Variants in VPS26A observed in about 807,000 individuals in gnomAD.
The protein encoded by VPS26A is VPS26 retromer complex component A.
In VPS26A, 22 loss-of-function variants were observed where a neutral mutation model predicts 42.4. That is an observed-to-expected ratio of 0.52 (90% CI 0.37 to 0.74). The LOEUF (loss-of-function observed/expected upper bound fraction) is 0.74, where lower values mean the gene tolerates loss of function less well. Ranked by LOEUF, VPS26A falls within the 30% of genes least tolerant of loss-of-function variation. VPS26A has a pLI of 0.00. For missense variants in VPS26A, 276 were observed against 379.2 expected (o/e 0.73, Z 2.26); for synonymous variants, 110 against 123.5 (o/e 0.89, Z 0.73).
chr10:69,155,033 C>G (rs1236376338), intron 2 of VPS26A, among the ~76,000 whole-genome samples: 1 of 152,078 alleles, frequency 6.6e-6, no homozygotes, highest in African/African-American at 2.4e-5. Flanking sequence ...GCCTGTACTT[C>G]TAGCACTTTG....
intron 1 of VPS26A, among the ~76,000 whole-genome samples, chr10:69,131,114 T>C (rs1369406416): frequency 6.6e-6 from 1 of 152,034 alleles, no homozygotes; most frequent in African/African-American, 2.4e-5. Context: ...GCCTCCCGAG[T>C]AGCTGGGACT....
In VPS26A at chr10:69,136,268, T is replaced by TC. The variant is rs1431366687; in HGVS notation, c.153+3222dup. Among the ~76,000 whole-genome samples, 8 of 145,004 alleles carry TC rather than the reference T, an allele frequency of 5.5e-5. No individual in the cohort carries two copies. The East Asian group carries it at 1.6e-3, about 28-fold the overall frequency. On this transcript the variant is annotated intron_variant, in intron 2 of 8. Coordinates refer to ENST00000263559, the MANE Select transcript of VPS26A (RefSeq NM_004896.5). ...TTTCTCTGTCATTTTTCTTTTCTTT[T>TC]CTTTTTTTTTTTTTGAGACAGAGTC...
intron 7 of VPS26A, 47 bp downstream of exon 7, chr10:69,166,157 G>A (rs772504784): frequency 6.6e-7 from 1 of 1,520,946 alleles, no homozygotes; most frequent in Non-Finnish European, 9.0e-7. Flanking sequence ...AAACATCAGT[G>A]TTCATGGCAG....
At chr10:69,142,406 C>G (rs552946581) in intron 2 of VPS26A, among the ~76,000 whole-genome samples, 32 of 150,946 alleles carry the variant, frequency 2.1e-4, no homozygotes, top group African/African-American at 7.1e-4. Context: ...GTTGCCCAGT[C>G]TGGTCTCAAA....
intron 1 of VPS26A, among the ~76,000 whole-genome samples, chr10:69,130,781 C>T (rs1047395549): frequency 4.6e-5 from 7 of 152,158 alleles, no homozygotes; most frequent in African/African-American, 1.7e-4. Context: ...GTTATACGTA[C>T]GTTTTGTGTA....
At chr10:69,157,581 T>A (rs1013206984) in intron 4 of VPS26A, among the ~76,000 whole-genome samples, 1 of 152,176 alleles carries the variant, frequency 6.6e-6, no homozygotes, top group African/African-American at 2.4e-5. Flanking sequence ...TTCTAAACTC[T>A]CAATTCAGTG....
At chr10:69,150,176 C>T (rs1841269435) in intron 2 of VPS26A, among the ~76,000 whole-genome samples, 1 of 152,074 alleles carries the variant, frequency 6.6e-6, no homozygotes, top group South Asian at 2.1e-4. Flanking sequence ...ACCTCAGCCT[C>T]CCAATTTGCT....
At chr10:69,127,051 T>A (rs2041396596) in intron 1 of VPS26A, among the ~76,000 whole-genome samples, 1 of 150,158 alleles carries the variant, frequency 6.7e-6, no homozygotes, top group African/African-American at 2.4e-5. Flanking sequence ...TTCCGCCTCC[T>A]GAGTAGCTGG....
At chr10:69,162,918 CAG>C (rs1564686484) in intron 6 of VPS26A, among the ~76,000 whole-genome samples, 2 of 152,068 alleles carry the variant, frequency 1.3e-5, no homozygotes, top group Non-Finnish European at 2.9e-5. Flanking sequence ...GCTTGGACAA[CAG>C]AGTGAGACCA....
intron 2 of VPS26A, among the ~76,000 whole-genome samples, chr10:69,154,830 C>T (rs1841396144): frequency 6.6e-6 from 1 of 152,208 alleles, no homozygotes; most frequent in South Asian, 2.1e-4. Context: ...ATGCACTGTA[C>T]TCCAGCCTGG....
chr10:69,154,397 G>A (rs1182556274), intron 2 of VPS26A, among the ~76,000 whole-genome samples: 1 of 152,204 alleles, frequency 6.6e-6, no homozygotes, highest in East Asian at 1.9e-4. Flanking sequence ...TTAGCTGGGC[G>A]TGGTGGCACA....
At chr10:69,167,312 T>C (rs1841710714) in intron 7 of VPS26A, among the ~76,000 whole-genome samples, 1 of 151,486 alleles carries the variant, frequency 6.6e-6, no homozygotes, top group African/African-American at 2.4e-5. Context: ...GCACCTATGA[T>C]CCCAGCTACC....
At chr10:69,145,660 G>A (rs1841141895) in intron 2 of VPS26A, among the ~76,000 whole-genome samples, 1 of 151,756 alleles carries the variant, frequency 6.6e-6, no homozygotes, top group Non-Finnish European at 1.5e-5. Flanking sequence ...ATCAGAGGTT[G>A]TGTGAACCTG....
rs747866317 is a variant in VPS26A, at chr10:69,162,491, A to C, written c.637A>C (p.Lys213Gln). 2 of 1,555,076 alleles carry C rather than the reference A, an allele frequency of 1.3e-6. No individual in the cohort carries two copies. The highest frequency in any genetic ancestry group is 1.9e-5 in the Admixed American group (1 of 52,588). The change falls in exon 6 of 9, where the codon AAA becomes CAA. Residue 213 changes from lysine (K) to glutamine (Q), a missense_variant. Lys to Gln is a moderately conservative substitution (Grantham distance 53, BLOSUM62 1). Coordinates refer to ENST00000263559, the MANE Select transcript of VPS26A (RefSeq NM_004896.5). ...ACAACATATGGAGTTACAGCTGATC[A>C]AAAAAGAGATCACAGGAATTGGTAA... ...KIQHMELQLI[K>Q]KEITGIGPST...
At chr10:69,152,839 G>A (rs1388833151) in intron 2 of VPS26A, among the ~76,000 whole-genome samples, 1 of 151,742 alleles carries the variant, frequency 6.6e-6, no homozygotes, top group Non-Finnish European at 1.5e-5. Flanking sequence ...GCATGGTGGC[G>A]GGCGCCTGTA....
intron 2 of VPS26A, among the ~76,000 whole-genome samples, chr10:69,145,027 TTAAA>T (rs1190694538): frequency 1.3e-5 from 2 of 149,924 alleles, no homozygotes; most frequent in Admixed American, 6.6e-5. Flanking sequence ...TGTTATTTAA[TTAAA>T]TTAATTAATT....
At chr10:69,128,509 C>T (rs905486665) in intron 1 of VPS26A, among the ~76,000 whole-genome samples, 11 of 151,906 alleles carry the variant, frequency 7.2e-5, no homozygotes, top group South Asian at 4.2e-4. Flanking sequence ...GGATTACACG[C>T]GTGAGCCACC....
chr10:69,147,489 A>G (rs1841187261), intron 2 of VPS26A, among the ~76,000 whole-genome samples: 1 of 152,070 alleles, frequency 6.6e-6, no homozygotes, highest in Admixed American at 6.6e-5. Flanking sequence ...GCCTAATCCA[A>G]AGGTCATGAA....
At chr10:69,147,572 G>A (rs1418031135) in intron 2 of VPS26A, among the ~76,000 whole-genome samples, 1 of 152,138 alleles carries the variant, frequency 6.6e-6, no homozygotes, top group Middle Eastern at 3.2e-3. Flanking sequence ...ATCCAAATGA[G>A]TTAATATTTG....
Sources: allele counts gnomAD v4.1 joint callset (sites outside exome capture counted in the v4.1 genomes callset), GRCh38; gene constraint gnomAD v4.1.1; transcripts MANE v1.5; gene names NCBI Gene and HGNC (gene_info 2026-07-23, HGNC 2026-07-21).